Variants in GSE1 observed in about 807,000 individuals in gnomAD.
GSE1 encodes Gse1 coiled-coil protein.
GSE1 carries 32 observed loss-of-function variants against 112.6 expected under a neutral mutation model. The ratio of observed to expected loss-of-function variants is 0.28; its 90% CI spans 0.21 to 0.38. The LOEUF is 0.38. GSE1 is among the 10% of genes least tolerant of loss of function. The pLI, the probability that GSE1 is intolerant of heterozygous loss-of-function variation, is 1.00. For missense variants in GSE1, 2,348 were observed against 1,699.2 expected (o/e 1.38, Z -6.71); for synonymous variants, 1,115 against 735.6 (o/e 1.52, Z -8.35).
intron 1 of GSE1, among the ~76,000 whole-genome samples, chr16:85,621,711 C>T (rs2048754795): frequency 6.6e-6 from 1 of 152,176 alleles, no homozygotes; most frequent in South Asian, 2.1e-4. Context: ...TTTCTCCAGC[C>T]ACGGCTGGCA....
intron 1 of GSE1, among the ~76,000 whole-genome samples, chr16:85,211,716 A>G (rs947562339): frequency 6.6e-6 from 1 of 152,118 alleles, no homozygotes; most frequent in Non-Finnish European, 1.5e-5. Flanking sequence ...AGGGTGCCCC[A>G]TGGAGCCTGA....
chr16:85,209,789 G>A (rs1456623434), intron 1 of GSE1, among the ~76,000 whole-genome samples: 5 of 152,236 alleles, frequency 3.3e-5, no homozygotes, highest in Non-Finnish European at 7.3e-5. Context: ...AGGCAGCTGA[G>A]GCTGAGGGGG....
In GSE1 at chr16:85,666,292, T is replaced by A; in HGVS notation, c.3075T>A (p.His1025Gln). The A allele has an allele frequency of 6.2e-7, 1 of 1,613,806 alleles. No individual in the cohort carries two copies. ...CCTTTGTGGCAGAAGAGTTTGCACA[T>A]CAGTTCCACGAGTCAGTGCTGCAGT... ...WEPFVAEEFA[H>Q]QFHESVLQST... The change falls in exon 13 of 16, where the codon CAT becomes CAA. Residue 1025 changes from histidine to glutamine, a missense_variant. Physicochemically the swap from His to Gln is conservative, Grantham distance 24. Coordinates refer to ENST00000253458, the MANE Select transcript of GSE1 (RefSeq NM_014615.5).
chr16:85,549,257 C>T (rs932532423), intron 2 of GSE1, among the ~76,000 whole-genome samples: 1 of 152,008 alleles, frequency 6.6e-6, no homozygotes, highest in African/African-American at 2.4e-5. Context: ...TCACTACAGC[C>T]TCAATTTCCT....
intron 1 of GSE1, among the ~76,000 whole-genome samples, chr16:85,258,955 CCTT>C (rs1166100534): frequency 4.6e-5 from 7 of 152,126 alleles, no homozygotes; most frequent in Admixed American, 2.6e-4. Flanking sequence ...CACTGCTCCC[CCTT>C]CTTCTCTGGG....
chr16:85,537,444 G>C (rs2044368727), intron 2 of GSE1, among the ~76,000 whole-genome samples: 1 of 152,256 alleles, frequency 6.6e-6, no homozygotes, highest in Non-Finnish European at 1.5e-5. Context: ...GTGAGGGCTT[G>C]AGGGCTGCCC....
intron 1 of GSE1, among the ~76,000 whole-genome samples, chr16:85,200,136 T>C (rs938972608): frequency 3.3e-5 from 5 of 152,112 alleles, no homozygotes; most frequent in African/African-American, 1.2e-4. Context: ...TGACACCTTG[T>C]CACTCTTTCC....
At chr16:85,553,026 T>C (rs1055742742), upstream of GSE1, among the ~76,000 whole-genome samples, 26 of 151,730 alleles carry the variant, frequency 1.7e-4, no homozygotes, top group African/African-American at 6.3e-4. Flanking sequence ...ACTGATAGTT[T>C]AGGGTCTTTT....
At chr16:85,670,912 G>C in intron 14 of GSE1, 83 bp from the exon 15 acceptor site, 1 of 842,490 alleles carries the variant, frequency 1.2e-6, no homozygotes, top group South Asian at 1.4e-5. Context: ...GGCTCTGCTG[G>C]GCAGGGTGTG....
chr16:85,322,266 C>A (rs2046123679), intron 1 of GSE1, among the ~76,000 whole-genome samples: 1 of 145,722 alleles, frequency 6.9e-6, no homozygotes, highest in South Asian at 2.4e-4. Flanking sequence ...TCTGATAGTA[C>A]CGGGTGGGTC....
intron 1 of GSE1, among the ~76,000 whole-genome samples, chr16:85,177,708 A>T (rs1218746502): frequency 6.6e-6 from 1 of 152,144 alleles, no homozygotes; most frequent in Non-Finnish European, 1.5e-5. Context: ...GAGGCTAAGA[A>T]CGGGAGCATG....
chr16:85,211,361 C>T (rs8058723), intron 1 of GSE1, among the ~76,000 whole-genome samples: 32,122 of 149,362 alleles, frequency 0.22, 3,591 homozygotes, highest in South Asian at 0.34. Flanking sequence ...TTTATTATTG[C>T]TGACAAGCCA....
intron 2 of GSE1, among the ~76,000 whole-genome samples, chr16:85,453,900 A>G (rs754663942): frequency 9.2e-5 from 14 of 152,102 alleles, no homozygotes; most frequent in Non-Finnish European, 1.3e-4. Context: ...GGGCTGGATG[A>G]GCTCCTCCAG....
At chr16:85,256,972 T>C (rs760333218) in intron 1 of GSE1, among the ~76,000 whole-genome samples, 1 of 152,134 alleles carries the variant, frequency 6.6e-6, no homozygotes, top group Non-Finnish European at 1.5e-5. Flanking sequence ...TCTGTCACGA[T>C]ACTTTGTATT....
rs139901871 is a variant in GSE1, at chr16:85,663,598, C to G, written c.2628C>G (p.Ser876Arg). The G allele has an allele frequency of 2.5e-6, 4 of 1,612,786 alleles. No individual in the cohort carries two copies. Among genetic ancestry groups the G allele is most frequent in the Non-Finnish European group, 3.4e-6 (4 of 1,179,412 alleles). ...FLTIFNLTHISAEKRKDKERL... is the reference protein window; with the variant it reads ...FLTIFNLTHIRAEKRKDKERL... ...CCATCTTCAACCTGACCCACATCAG[C>G]GCTGAGAAGAGGAAAGGTAGGGCCT... The change falls in exon 11 of 16, where the codon AGC becomes AGG. Residue 876 changes from serine to arginine, a missense_variant. Coordinates refer to ENST00000253458, the MANE Select transcript of GSE1 (RefSeq NM_014615.5).
At chr16:85,469,883 G>A (rs1379387912) in intron 2 of GSE1, among the ~76,000 whole-genome samples, 1 of 152,242 alleles carries the variant, frequency 6.6e-6, no homozygotes, top group African/African-American at 2.4e-5. Flanking sequence ...AGGTGGGAGG[G>A]GGAGCCAGGG....
At chr16:85,542,617 G>C (rs1286514896) in intron 2 of GSE1, among the ~76,000 whole-genome samples, 1 of 152,262 alleles carries the variant, frequency 6.6e-6, no homozygotes, top group African/African-American at 2.4e-5. Context: ...CATGGGTTGG[G>C]ACTGTGACTG....
intron 2 of GSE1, among the ~76,000 whole-genome samples, chr16:85,527,231 C>T (rs1460928204): frequency 6.6e-6 from 1 of 152,244 alleles, no homozygotes; most frequent in African/African-American, 2.4e-5. Context: ...GGTCCGTGGG[C>T]GCGCAGGGGC....
At chr16:85,303,243 C>A (rs1439048872) in intron 1 of GSE1, among the ~76,000 whole-genome samples, 1 of 152,248 alleles carries the variant, frequency 6.6e-6, no homozygotes, top group Non-Finnish European at 1.5e-5. Flanking sequence ...GCCCTGCTTG[C>A]CGCGGTCACT....
Sources: gnomAD v4.1 joint callset for allele counts (sites outside exome capture counted in the v4.1 genomes callset) on GRCh38, gnomAD v4.1.1 for gene constraint, MANE v1.5 for transcripts, NCBI Gene and HGNC (gene_info 2026-07-23, HGNC 2026-07-21) for gene names.